Variants in PAX6 observed in about 807,000 individuals in gnomAD.
PAX6 encodes the protein paired box 6, also known as paired box protein Pax-6.
In PAX6, 7 loss-of-function variants were observed where a neutral mutation model predicts 60.7. The observed-to-expected ratio is 0.12, with a 90% CI of 0.07 to 0.22. The LOEUF (loss-of-function observed/expected upper bound fraction) is 0.22. PAX6 is among the 10% of genes least tolerant of loss of function. PAX6 has a pLI of 1.00. For synonymous variants in PAX6, 208 were observed against 201.2 expected (o/e 1.03, Z -0.29); for missense variants, 355 against 555.2 (o/e 0.64, Z 3.62).
chr11:31,793,410 T>G (rs770110000), intron 12 of PAX6, 28 bp downstream of exon 12: 1 of 1,587,574 alleles, frequency 6.3e-7, no homozygotes, highest in Admixed American at 1.7e-5. Flanking sequence ...GGGCCTGGGT[T>G]ATGCAGGCCA....
At chr11:31,809,861 C>T (rs1483403944) in intron 2 of PAX6, 2 of 152,354 alleles carry the variant, frequency 1.3e-5, no homozygotes, top group Non-Finnish European at 2.9e-5. Flanking sequence ...GAAATCCCAA[C>T]ACCTGGTGAG....
At chr11:31,797,916 C>T (rs1310286308) in intron 8 of PAX6, among the ~76,000 whole-genome samples, 1 of 151,878 alleles carries the variant, frequency 6.6e-6, no homozygotes. Context: ...CGAGTGAAAG[C>T]GCCTCCCATT....
chr11:31,814,344 TC>T (rs1263751103), upstream of PAX6: 2 of 152,200 alleles, frequency 1.3e-5, no homozygotes, highest in Admixed American at 6.6e-5. Flanking sequence ...CCCGCACCGA[TC>T]CCTGGCATTC....
intron 8 of PAX6, among the ~76,000 whole-genome samples, chr11:31,798,756 C>A (rs187677496): frequency 1.3e-5 from 2 of 152,246 alleles, no homozygotes; most frequent in Non-Finnish European, 2.9e-5. Flanking sequence ...ACCTCCGGCC[C>A]CAACCATCAC....
chr11:31,813,397 G>GT (rs1957222382), upstream of PAX6, among the ~76,000 whole-genome samples: 1 of 105,408 alleles, frequency 9.5e-6, no homozygotes. Flanking sequence ...GGCGGGGGGG[G>GT]GGGAAGTGAT....
At chr11:31,806,679 C>T in intron 3 of PAX6, 170 bp downstream of exon 3, 1 of 530,528 alleles carries the variant, frequency 1.9e-6, no homozygotes. Flanking sequence ...TGGAATATCC[C>T]CAATCTGTTT....
At position 31,790,032 on chromosome 11, in the gene PAX6, G is replaced by A. The variant is rs2134386969; in HGVS notation, c.1226-13C>T. 7.5e-7 allele frequency: 1 copy of A among 1,338,684 alleles called. No individual in the cohort carries two copies. Among genetic ancestry groups the A allele is most frequent in the South Asian group, 1.2e-5 (1 of 85,702 alleles). The allele number at this position is 1,338,684 out of a possible 1,614,324, so 82.9% of individuals were successfully genotyped here. On this transcript the variant is annotated splice_polypyrimidine_tract_variant and intron_variant, in intron 13 of 13. Coordinates refer to ENST00000640368, the MANE Select transcript of PAX6 (RefSeq NM_001368894.2). ...GGGGAAATGAGTCCTAGAAGTGGATGAAAGAAATAGCCATGTAGATATTCC... is the reference window on the plus strand; with the variant it reads ...GGGGAAATGAGTCCTAGAAGTGGATAAAAGAAATAGCCATGTAGATATTCC...
intron 2 of PAX6, chr11:31,809,909 G>A (rs1956684987): frequency 6.6e-6 from 1 of 152,440 alleles, no homozygotes; most frequent in Non-Finnish European, 1.5e-5. Context: ...TACCCACCAA[G>A]CGCAGGGGGC....
upstream of PAX6, chr11:31,812,776 AATG>A (rs1183605035): frequency 6.6e-6 from 1 of 152,516 alleles, no homozygotes; most frequent in Non-Finnish European, 1.5e-5. Context: ...GGGAGGCTGA[AATG>A]AAGCAGCCGA....
chr11:31,806,080 G>A (rs1273731045), intron 4 of PAX6: 3 of 420,642 alleles, frequency 7.1e-6, no homozygotes, highest in Non-Finnish European at 1.2e-5. Context: ...CTCTCTCCGG[G>A]GTCAGAGCCC....
At chr11:31,799,325 G>A (rs998752339) in intron 8 of PAX6, among the ~76,000 whole-genome samples, 7 of 152,056 alleles carry the variant, frequency 4.6e-5, no homozygotes, top group African/African-American at 1.2e-4. Flanking sequence ...GGCCCCGCGC[G>A]TCAGGAGGCC....
rs1949016526 is a variant in PAX6 at position 31,789,170 on chromosome 11, G to T, written c.*764C>A. ...AAGAAACGTATGATTGCATGAAAAT[G>T]TGTATAAAACATCTATATTCTTGTC... On this transcript the variant is annotated 3_prime_UTR_variant, in exon 14 of 14. Transcript: ENST00000640368. 4.9e-6 allele frequency: 1 copy of T among 205,202 alleles called. No individual in the cohort carries two copies. Among genetic ancestry groups the T allele is most frequent in the South Asian group, 1.9e-4 (1 of 5,308 alleles). 12.7% of individuals were successfully genotyped at this position (205,202 alleles called of 1,614,324 possible).
At chr11:31,795,016 A>G (rs1256334332) in intron 8 of PAX6, among the ~76,000 whole-genome samples, 1 of 152,222 alleles carries the variant, frequency 6.6e-6, no homozygotes, top group Non-Finnish European at 1.5e-5. Flanking sequence ...TACACACACT[A>G]AGTGGCATTT....
At chr11:31,810,637 G>A (rs1474280515) in intron 2 of PAX6, 191 bp downstream of exon 2, 2 of 378,662 alleles carry the variant, frequency 5.3e-6, no homozygotes, top group Non-Finnish European at 9.4e-6. Context: ...GCCGGCAGTC[G>A]CCCTCCGACG....
At chr11:31,802,654 A>G in intron 5 of PAX6, 50 bp downstream of exon 5, 1 of 1,585,692 alleles carries the variant, frequency 6.3e-7, no homozygotes, top group Admixed American at 1.7e-5. Flanking sequence ...GAGGGCGTTG[A>G]GAGTGGAGGG....
chr11:31,796,221 C>T (rs2134733014), intron 8 of PAX6, among the ~76,000 whole-genome samples: 1 of 152,266 alleles, frequency 6.6e-6, no homozygotes, highest in African/African-American at 2.4e-5. Flanking sequence ...CTGCACAATG[C>T]CCCGCGAGTA....
intron 8 of PAX6, among the ~76,000 whole-genome samples, chr11:31,796,382 C>T (rs1951515357): frequency 6.6e-6 from 1 of 151,784 alleles, no homozygotes; most frequent in African/African-American, 2.4e-5. Context: ...ACAGACTTTT[C>T]AGTGAAGTGT....
At chr11:31,814,677 G>A (rs568882960), upstream of PAX6, 1 of 152,594 alleles carries the variant, frequency 6.6e-6, no homozygotes, top group South Asian at 2.1e-4. Context: ...GGTCCAGTGA[G>A]CCCTAAAGGC....
chr11:31,817,224 C>T (rs1016638543), intron 1 of PAX6, among the ~76,000 whole-genome samples: 2 of 152,260 alleles, frequency 1.3e-5, no homozygotes, highest in African/African-American at 2.4e-5. Flanking sequence ...GAGCTTTACG[C>T]GCTGCCCAGC....
Sources: gnomAD v4.1 joint callset for allele counts (sites outside exome capture counted in the v4.1 genomes callset) on GRCh38, gnomAD v4.1.1 for gene constraint, MANE v1.5 for transcripts, NCBI Gene and HGNC (gene_info 2026-07-23, HGNC 2026-07-21) for gene names.